CNNM1: variants seen among roughly 807,000 people sequenced by gnomAD.
CNNM1 encodes the protein cyclin and CBS domain divalent metal cation transport mediator 1, also known as metal transporter CNNM1.
CNNM1 carries 44 observed loss-of-function variants against 78.8 expected under a neutral mutation model. That is an observed-to-expected ratio of 0.56 (90% CI 0.44 to 0.72). The LOEUF is 0.72. Ranked by LOEUF, CNNM1 falls within the 30% of genes least tolerant of loss-of-function variation. The pLI is 0.00. For missense variants in CNNM1, 1,101 were observed against 1,292.2 expected, an observed-to-expected ratio of 0.85 and a Z score of 2.27; for synonymous variants, 584 against 581.5, an observed-to-expected ratio of 1.00 and a Z score of -0.06.
intron 1 of CNNM1, among the ~76,000 whole-genome samples, chr10:99,344,319 G>A (rs1344910168): frequency 3.0e-5 from 4 of 132,858 alleles, no homozygotes; most frequent in Non-Finnish European, 6.1e-5. Context: ...GCAACAGAGC[G>A]AGACTCCGTC....
intron 1 of CNNM1, among the ~76,000 whole-genome samples, chr10:99,338,648 A>G (rs888747486): frequency 6.6e-5 from 10 of 152,180 alleles, no homozygotes; most frequent in African/African-American, 2.2e-4. Context: ...AAATTTAAAT[A>G]TAGAATAGTA....
intron 6 of CNNM1, among the ~76,000 whole-genome samples, chr10:99,372,416 A>T (rs1021907115): frequency 1.1e-4 from 17 of 152,188 alleles, no homozygotes; most frequent in Admixed American, 1.1e-3. Context: ...ATGCAAGAGC[A>T]AGAGTGGGCA....
At chr10:99,381,715 C>T (rs1433498189) in intron 7 of CNNM1, among the ~76,000 whole-genome samples, 1 of 151,270 alleles carries the variant, frequency 6.6e-6, no homozygotes, top group Non-Finnish European at 1.5e-5. Flanking sequence ...TGCACTCCAG[C>T]CTGGGCGACA....
intron 6 of CNNM1, among the ~76,000 whole-genome samples, chr10:99,368,980 G>A (rs900514857): frequency 1.8e-4 from 27 of 152,322 alleles, no homozygotes; most frequent in Middle Eastern, 6.8e-3. Flanking sequence ...ATGGAGGGAT[G>A]AGGAGTACAG....
intron 7 of CNNM1, among the ~76,000 whole-genome samples, chr10:99,384,698 A>T (rs1203274712): frequency 6.6e-6 from 1 of 152,178 alleles, no homozygotes; most frequent in African/African-American, 2.4e-5. Context: ...CCTCCCTGAC[A>T]ATGCTTAAAA....
intron 1 of CNNM1, among the ~76,000 whole-genome samples, chr10:99,346,378 A>T (rs1456230922): frequency 6.6e-6 from 1 of 152,222 alleles, no homozygotes; most frequent in Non-Finnish European, 1.5e-5. Context: ...AGTCTCCTTT[A>T]CTGGTTCTGC....
At chr10:99,374,261 C>G (rs975122815) in intron 6 of CNNM1, among the ~76,000 whole-genome samples, 1 of 152,174 alleles carries the variant, frequency 6.6e-6, no homozygotes, top group Non-Finnish European at 1.5e-5. Flanking sequence ...CTGTCCCTGT[C>G]CCCGTCAGTT....
intron 1 of CNNM1, among the ~76,000 whole-genome samples, chr10:99,354,670 T>C (rs774093287): frequency 1.3e-5 from 2 of 149,826 alleles, no homozygotes; most frequent in Non-Finnish European, 3.0e-5. Context: ...GGAGCTTTCT[T>C]GGAGAGCTGG....
intron 7 of CNNM1, among the ~76,000 whole-genome samples, chr10:99,382,084 G>A (rs1368910201): frequency 2.0e-5 from 3 of 152,184 alleles, no homozygotes; most frequent in Non-Finnish European, 2.9e-5. Flanking sequence ...TGTTTTCACA[G>A]GGCGAAGCCC....
Position 99,384,788 on chromosome 10 carries a change from G to A in CNNM1, c.2341-3032G>A, listed in dbSNP as rs187018857. Among the ~76,000 whole-genome samples the A allele has an allele frequency of 3.7e-4, 56 of 152,244 alleles. 1 individual carries two copies. The highest frequency in any genetic ancestry group is 1.2e-3 in the East Asian group (6 of 5,180). On this transcript the variant is annotated intron_variant, in intron 7 of 10. Transcript: ENST00000356713. The stretch of plus-strand genomic sequence containing the variant: ...TGTTTTTTAAAAACAAAAAGAGGCC[G>A]GGTGCAGTGGCTAACACCTGTAATC...
intron 6 of CNNM1, 54 bp from the exon 7 acceptor site, chr10:99,377,001 T>G: frequency 1.7e-6 from 2 of 1,208,984 alleles, no homozygotes; most frequent in Non-Finnish European, 2.3e-6. Context: ...CCCTCCCCCT[T>G]CTTCCTCCCC....
In CNNM1 at chr10:99,329,638, C is replaced by T. The variant is rs762401365; in HGVS notation, c.251C>T (p.Ala84Val). 7.9e-6 allele frequency: 12 copies of T among 1,519,944 alleles called. No individual in the cohort carries two copies. The Admixed American group carries it at 2.4e-4, about 31-fold the overall frequency. The allele number at this position is 1,519,944 out of a possible 1,614,324, so 94.2% of individuals were successfully genotyped here. A position where few individuals can be genotyped will look rare whatever the true frequency, so the allele number is the denominator to read the frequency against. The stretch of plus-strand genomic sequence containing the variant: ...TTCCAGCCAGGACCGCCGGCCACCG[C>T]CGCACCGGTGCCCTCACCGACCCTC... ...VYFQPGPPATAAPVPSPTLNS... is the reference protein window; with the variant it reads ...VYFQPGPPATVAPVPSPTLNS... Residue 84 changes from alanine (A) to valine (V), a missense_variant, in exon 1 of 11, where the codon GCC (alanine) becomes GTC (valine). By Grantham distance (64) the Ala-to-Val change is moderately conservative. Coordinates refer to ENST00000356713, the MANE Select transcript of CNNM1 (RefSeq NM_020348.3).
rs375344423 is a variant in CNNM1 at position 99,378,696 on chromosome 10, C to T, written c.2340+1478C>T. Among the ~76,000 whole-genome samples the T allele has an allele frequency of 1.3e-5, 2 of 152,192 alleles. 1 individual carries two copies. Among genetic ancestry groups the T allele is most frequent in the South Asian group, 4.1e-4 (2 of 4,830 alleles). ...TGAATTATCCATTTAATCTCACAGC[C>T]ACCCTATGAGGTAGGTATTGCTGTC... On this transcript the variant is annotated intron_variant, in intron 7 of 10. Transcript: ENST00000356713.
chr10:99,360,697 A>G, intron 2 of CNNM1, 138 bp from the exon 3 acceptor site: 1 of 1,109,652 alleles, frequency 9.0e-7, no homozygotes, highest in Non-Finnish European at 1.3e-6. Context: ...ACATCCTTCT[A>G]CTTCCTGGGT....
chr10:99,359,031 A>T lies in CNNM1; in HGVS notation c.1717+1376A>T, dbSNP rs917534337. ...AAAAAAAAAAAAAAAAAAAAAAAAAAAAAAAAATCCCAGGTGTCTCAGATA... is the reference window on the plus strand; with the variant it reads ...AAAAAAAAAAAAAAAAAAAAAAAAATAAAAAAATCCCAGGTGTCTCAGATA... On this transcript the variant is annotated intron_variant, in intron 2 of 10. Coordinates refer to ENST00000356713, the MANE Select transcript of CNNM1 (RefSeq NM_020348.3). Among the ~76,000 whole-genome samples the T allele has an allele frequency of 5.8e-3, 764 of 131,128 alleles. 5 individuals are homozygous for T. The highest frequency in any genetic ancestry group is 9.7e-3 in the Non-Finnish European group (600 of 61,816). 86.0% of individuals were successfully genotyped at this position (131,128 alleles called of 152,430 possible).
At chr10:99,345,193 G>T (rs1363866353) in intron 1 of CNNM1, among the ~76,000 whole-genome samples, 1 of 152,070 alleles carries the variant, frequency 6.6e-6, no homozygotes, top group Non-Finnish European at 1.5e-5. Flanking sequence ...ATATTATGAA[G>T]ACCAGAGGTA....
At chr10:99,380,840 C>T (rs951054381) in intron 7 of CNNM1, among the ~76,000 whole-genome samples, 5 of 151,580 alleles carry the variant, frequency 3.3e-5, no homozygotes, top group African/African-American at 1.2e-4. Flanking sequence ...GATCTCATAT[C>T]TCCAACCCTA....
intron 4 of CNNM1, 67 bp downstream of exon 4, chr10:99,362,463 AT>A (rs2031472255): frequency 6.6e-7 from 1 of 1,510,438 alleles, no homozygotes; most frequent in African/African-American, 1.4e-5. Context: ...AGAAATGGCC[AT>A]GCCTCCGTCA....
At chr10:99,336,433 A>C (rs73326398) in intron 1 of CNNM1, among the ~76,000 whole-genome samples, 4,234 of 152,334 alleles carry the variant, frequency 0.028, 195 homozygotes, top group African/African-American at 0.096. Context: ...TCACACAATC[A>C]TGAAATTGCC....
Sources: gnomAD v4.1 joint callset for allele counts (sites outside exome capture counted in the v4.1 genomes callset) on GRCh38, gnomAD v4.1.1 for gene constraint, MANE v1.5 for transcripts, NCBI Gene and HGNC (gene_info 2026-07-23, HGNC 2026-07-21) for gene names.